Variants in ART4 observed in about 807,000 individuals in gnomAD.
ART4 encodes ecto-ADP-ribosyltransferase 4.
In ART4, 14 loss-of-function variants were observed where a neutral mutation model predicts 24.2. The observed-to-expected ratio is 0.58, with a 90% CI of 0.38 to 0.90. ART4 has a LOEUF of 0.90. Ranked by LOEUF, ART4 falls within the 40% of genes least tolerant of loss-of-function variation. The pLI is 0.00. For synonymous variants in ART4, 145 were observed against 139.9 expected, an observed-to-expected ratio of 1.04 and a Z score of -0.26; for missense variants, 356 against 366.6, an observed-to-expected ratio of 0.97 and a Z score of 0.24.
Position 14,829,058 on chromosome 12 carries a change from A to G in ART4, c.*313T>C. The G allele has an allele frequency of 1.1e-5, 2 of 187,084 alleles. No homozygotes were observed. The highest frequency in any genetic ancestry group is 2.2e-5 in the Non-Finnish European group (2 of 92,142). The allele number at this position is 187,084 out of a possible 1,614,324, so 11.6% of individuals were successfully genotyped here. A position where few individuals can be genotyped will look rare whatever the true frequency, so the allele number is the denominator to read the frequency against. The stretch of plus-strand genomic sequence containing the variant: ...GCATGAATCTTTGTGTCCATGAAGA[A>G]GAAATATACTGATTGGCTAAGGCCT... On this transcript the variant is annotated 3_prime_UTR_variant, in exon 3 of 3. Transcript: ENST00000228936.
At chr12:14,834,595 A>G (rs1033373582) in intron 2 of ART4, among the ~76,000 whole-genome samples, 1 of 152,200 alleles carries the variant, frequency 6.6e-6, no homozygotes, top group African/African-American at 2.4e-5. Flanking sequence ...ATTTTAACAA[A>G]TAAATCCCTG....
chr12:14,839,827 G>A (rs1199355916), intron 2 of ART4, among the ~76,000 whole-genome samples: 1 of 152,150 alleles, frequency 6.6e-6, no homozygotes, highest in African/African-American at 2.4e-5. Flanking sequence ...AGTTCCATAT[G>A]GCTATTATGA....
At chr12:14,831,739 G>A (rs372166911) in intron 2 of ART4, among the ~76,000 whole-genome samples, 3 of 151,872 alleles carry the variant, frequency 2.0e-5, no homozygotes, top group East Asian at 1.9e-4. Context: ...TGGGTCACTC[G>A]GAATTCTACA....
chr12:14,838,103 T>C (rs1458864323), intron 2 of ART4, among the ~76,000 whole-genome samples: 1 of 152,154 alleles, frequency 6.6e-6, no homozygotes, highest in African/African-American at 2.4e-5. Context: ...TTCCAAATAT[T>C]TCATTAAGAC....
intron 2 of ART4, among the ~76,000 whole-genome samples, chr12:14,834,553 G>T (rs1950416664): frequency 6.6e-6 from 1 of 152,116 alleles, no homozygotes; most frequent in South Asian, 2.1e-4. Context: ...TATTTCTCTA[G>T]AAACATGTTA....
At chr12:14,836,664 T>C (rs1299347228) in intron 2 of ART4, among the ~76,000 whole-genome samples, 1 of 152,150 alleles carries the variant, frequency 6.6e-6, no homozygotes, top group Admixed American at 6.5e-5. Context: ...GTAGGTCAGG[T>C]AGAACCAGAG....
intron 2 of ART4, among the ~76,000 whole-genome samples, chr12:14,831,587 C>A (rs899869895): frequency 1.3e-5 from 2 of 151,954 alleles, no homozygotes; most frequent in African/African-American, 4.8e-5. Flanking sequence ...TTGTACTTGA[C>A]CTTTTAAAAT....
chr12:14,832,428 A>T (rs996066563), intron 2 of ART4, among the ~76,000 whole-genome samples: 4 of 152,094 alleles, frequency 2.6e-5, no homozygotes, highest in Non-Finnish European at 5.9e-5. Flanking sequence ...GTTTCCCCTG[A>T]TCACCCAGTT....
chr12:14,830,794 A>G (rs1398183989), intron 2 of ART4, among the ~76,000 whole-genome samples: 7 of 149,052 alleles, frequency 4.7e-5, no homozygotes, highest in Non-Finnish European at 7.4e-5. Flanking sequence ...ATTTTCACCA[A>G]TAAGAGTTGG....
At chr12:14,838,582 C>T (rs1304840661) in intron 2 of ART4, among the ~76,000 whole-genome samples, 1 of 152,162 alleles carries the variant, frequency 6.6e-6, no homozygotes, top group East Asian at 1.9e-4. Flanking sequence ...GTCTGTGGGG[C>T]AGATACTCAT....
chr12:14,836,658 G>A (rs1345294671), intron 2 of ART4, among the ~76,000 whole-genome samples: 2 of 152,182 alleles, frequency 1.3e-5, no homozygotes, highest in Non-Finnish European at 2.9e-5. Context: ...GCTTAGGTAG[G>A]TCAGGTAGAA....
In ART4 at chr12:14,827,361, T is replaced by A. The variant is rs937170439; in HGVS notation, c.*2010A>T. ...AGCCACCAAACTGCCAAAGACCCTA[T>A]CCTATGCAAGTCACATAAATTGTCT... On this transcript the variant is annotated 3_prime_UTR_variant, in exon 3 of 3. Transcript: ENST00000228936. 4 of 152,292 alleles carry A rather than the reference T, an allele frequency of 2.6e-5. No individual in the cohort carries two copies. Among genetic ancestry groups the A allele is most frequent in the African/African-American group, 9.6e-5 (4 of 41,454 alleles). The allele number at this position is 152,292 out of a possible 1,614,324, so 9.4% of individuals were successfully genotyped here.
intron 1 of ART4, 130 bp from the exon 2 acceptor site, chr12:14,841,283 A>G: frequency 1.3e-6 from 1 of 777,430 alleles, no homozygotes; most frequent in Non-Finnish European, 2.0e-6. Flanking sequence ...GTTACACTGA[A>G]AATCATTACA....
In ART4 at chr12:14,826,106, T is replaced by C. The variant is rs569156705; in HGVS notation, c.*3265A>G. 2.6e-5 allele frequency: 4 copies of C among 152,314 alleles called. No homozygotes were observed. The East Asian group carries it at 7.7e-4, about 29-fold the overall frequency. The allele number at this position is 152,314 out of a possible 1,614,324, so 9.4% of individuals were successfully genotyped here. ...GCTAACAAATTTATCCCAGCAGAAA[T>C]TACAGTGAAATTTCTAAAACTAGTC... On this transcript the variant is annotated 3_prime_UTR_variant, in exon 3 of 3. Transcript: ENST00000228936.
intron 2 of ART4, among the ~76,000 whole-genome samples, chr12:14,830,097 A>G (rs1251548539): frequency 6.6e-6 from 1 of 150,654 alleles, no homozygotes; most frequent in East Asian, 1.9e-4. Flanking sequence ...TGAGCAAGAA[A>G]TATTCACACA....
chr12:14,841,089 C>G lies in ART4; in HGVS notation c.209G>C (p.Ser70Thr), dbSNP rs1297248917. ...AGTTAGTTTCTCCATAACCTGTTTG[C>G]TACAGCCTTGGTACTGATCATCAAA... is the stretch of plus-strand genomic sequence containing the variant. ...GSFDDQYQGC[S>T]KQVMEKLTQG... Residue 70 changes from serine to threonine, a missense_variant, in exon 2 of 3, where the codon AGC becomes ACC. Transcript: ENST00000228936. The G allele has an allele frequency of 6.2e-7, 1 of 1,614,010 alleles. No homozygotes were observed. The highest frequency in any genetic ancestry group is 2.2e-5 in the East Asian group (1 of 44,890).
Position 14,831,427 on chromosome 12 carries a change from T to A in ART4, c.854-1965A>T, listed in dbSNP as rs78639567. ...AGGTGCACACCACCATGCCTGGCTA[T>A]TTTTTTTTTGTATTTTTGGTAGAGA... On this transcript the variant is annotated intron_variant, in intron 2 of 2. Transcript: ENST00000228936. Among the ~76,000 whole-genome samples, 398 of 53,776 alleles carry A rather than the reference T, an allele frequency of 7.4e-3. 4 individuals are homozygous for A. The South Asian group carries it at 0.077, about 10-fold the overall frequency. 35.3% of individuals were successfully genotyped at this position (53,776 alleles called of 152,430 possible).
At position 14,843,095 on chromosome 12, in the gene ART4, T is replaced by G. The variant is rs1357955906; in HGVS notation, c.19A>C (p.Arg7=). MGPLIN[R]CKKILLPTTV... ...GTTGGGAGAAGAATCTTCTTGCATC[T>G]GTTGATCAATGGACCCATTTGCTTG... Residue 7 remains arginine, a synonymous_variant, in exon 1 of 3, where the codon AGA becomes CGA. Transcript: ENST00000228936. 5 of 1,614,072 alleles carry G rather than the reference T, an allele frequency of 3.1e-6. No homozygotes were observed. The highest frequency in any genetic ancestry group is 2.5e-6 in the Non-Finnish European group (3 of 1,180,008).
rs1355202105 is a variant in ART4 at position 14,840,867 on chromosome 12, G to T, written c.431C>A (p.Ala144Asp). 6.2e-7 allele frequency: 1 copy of T among 1,614,176 alleles called. No homozygotes were observed. Among genetic ancestry groups the T allele is most frequent in the Non-Finnish European group, 8.5e-7 (1 of 1,180,016 alleles). Residue 144 changes from alanine (A) to aspartate (D), a missense_variant, in exon 2 of 3, where the codon GCC becomes GAC. Transcript: ENST00000228936. Reference protein sequence around the residue: ...SDFTRAMASVARTPQQYERSF... With the variant: ...SDFTRAMASVDRTPQQYERSF... The stretch of plus-strand genomic sequence containing the variant: ...ACGTTCATACTGCTGTGGAGTCCTG[G>T]CAACAGAGGCCATGGCTCTAGTAAA...
Sources: allele counts gnomAD v4.1 joint callset (sites outside exome capture counted in the v4.1 genomes callset), GRCh38; gene constraint gnomAD v4.1.1; transcripts MANE v1.5; gene names NCBI Gene and HGNC (gene_info 2026-07-23, HGNC 2026-07-21).